TTLL5: variants seen among roughly 807,000 people sequenced by gnomAD.
The protein encoded by TTLL5 is tubulin tyrosine ligase like 5, also known as tubulin polyglutamylase TTLL5.
TTLL5 carries 132 observed loss-of-function variants against 168.4 expected under a neutral mutation model. That is an observed-to-expected ratio of 0.78 (90% CI 0.68 to 0.91). The LOEUF is 0.91. Ranked by LOEUF, TTLL5 falls within the 40% of genes least tolerant of loss-of-function variation. TTLL5 has a pLI of 0.00. For missense variants in TTLL5, 1,545 were observed against 1,581.5 expected (o/e 0.98, Z 0.39); for synonymous variants, 546 against 558.6 (o/e 0.98, Z 0.32).
At position 75,820,290 on chromosome 14, in the gene TTLL5, G is replaced by A. The variant is rs191355084; in HGVS notation, c.3326+129G>A. The A allele has an allele frequency of 5.3e-4, 514 of 968,076 alleles. 3 individuals carry two copies. The highest frequency in any genetic ancestry group is 6.8e-4 in the Non-Finnish European group (490 of 721,998). The allele number at this position is 968,076 out of a possible 1,614,324, so 60.0% of individuals were successfully genotyped here. ...CATATGCCCTTTCTCCACCTGCCTC[G>A]ATCCTCTGGCACCTGACTAAGAGAG... On this transcript the variant is annotated intron_variant, in intron 28 of 31. Transcript: ENST00000298832.
intron 30 of TTLL5, among the ~76,000 whole-genome samples, chr14:75,898,330 T>C (rs2032764816): frequency 6.6e-6 from 1 of 152,178 alleles, no homozygotes; most frequent in Non-Finnish European, 1.5e-5. Flanking sequence ...CACTGCACTC[T>C]TATTCTCACG....
chr14:75,866,126 A>G (rs2030497613), intron 29 of TTLL5, among the ~76,000 whole-genome samples: 2 of 152,238 alleles, frequency 1.3e-5, no homozygotes, highest in Non-Finnish European at 2.9e-5. Flanking sequence ...TTCTAACAGG[A>G]AGAATATGTA....
intron 30 of TTLL5, 117 bp from the exon 31 acceptor site, chr14:75,902,025 T>A: frequency 1.2e-6 from 1 of 807,360 alleles, no homozygotes; most frequent in Non-Finnish European, 2.1e-6. Context: ...TTGAAGGAAG[T>A]GAGTGAATGA....
chr14:75,743,571 C>T (rs1163363507), intron 15 of TTLL5, among the ~76,000 whole-genome samples: 3 of 124,614 alleles, frequency 2.4e-5, no homozygotes, highest in East Asian at 2.4e-4. Flanking sequence ...TCTCTGGCAT[C>T]GCTCTTTTTT....
intron 31 of TTLL5, among the ~76,000 whole-genome samples, chr14:75,912,761 A>G (rs1045759053): frequency 6.6e-6 from 1 of 152,246 alleles, no homozygotes; most frequent in Non-Finnish European, 1.5e-5. Context: ...AGTAGTAGTC[A>G]ACTGCTAATG....
In TTLL5 at chr14:75,783,458, C is replaced by T. The variant is rs969714028; in HGVS notation, c.2914C>T (p.Pro972Ser). The T allele has an allele frequency of 6.2e-7, 1 of 1,614,190 alleles. No individual in the cohort carries two copies. The highest frequency in any genetic ancestry group is 8.5e-7 in the Non-Finnish European group (1 of 1,180,034). Residue 972 changes from proline (P) to serine (S), a missense_variant, in exon 26 of 32, where the codon CCC becomes TCC. Transcript: ENST00000298832. ...TCGATCAGGAAGTCACACCATTGGTCCCTTTTCTTCCTTCCAAAGTGCTGC... is the reference window on the plus strand; with the variant it reads ...TCGATCAGGAAGTCACACCATTGGTTCCTTTTCTTCCTTCCAAAGTGCTGC... ...RCRSGSHTIGPFSSFQSAAHI... is the reference protein window; with the variant it reads ...RCRSGSHTIGSFSSFQSAAHI...
At chr14:75,706,774 A>T (rs983849077) in intron 7 of TTLL5, among the ~76,000 whole-genome samples, 2 of 150,736 alleles carry the variant, frequency 1.3e-5, no homozygotes, top group African/African-American at 4.9e-5. Flanking sequence ...TTATTTATTT[A>T]TTATTTATTA....
At chr14:75,924,347 G>C (rs940860474) in intron 31 of TTLL5, among the ~76,000 whole-genome samples, 1 of 151,426 alleles carries the variant, frequency 6.6e-6, no homozygotes, top group African/African-American at 2.4e-5. Context: ...AGTTGGCAGG[G>C]TCATAGGACA....
chr14:75,713,117 A>G (rs1051792770), intron 9 of TTLL5, among the ~76,000 whole-genome samples: 2 of 152,262 alleles, frequency 1.3e-5, no homozygotes, highest in Non-Finnish European at 2.9e-5. Context: ...ATTTTGGTCT[A>G]CATTAGGATA....
At chr14:75,886,457 G>A (rs1312675241) in intron 30 of TTLL5, among the ~76,000 whole-genome samples, 2 of 152,134 alleles carry the variant, frequency 1.3e-5, no homozygotes, top group Non-Finnish European at 2.9e-5. Context: ...TCCATTGAAA[G>A]CTTTTTTATG....
At chr14:75,876,377 G>A (rs4309333) in intron 29 of TTLL5, among the ~76,000 whole-genome samples, 132,171 of 152,272 alleles carry the variant, frequency 0.87, 57,449 homozygotes, top group East Asian at 0.92. Context: ...CAATTGGTTA[G>A]TGAACAATAG....
chr14:75,746,863 C>T (rs1406807264), intron 17 of TTLL5, among the ~76,000 whole-genome samples: 5 of 152,156 alleles, frequency 3.3e-5, no homozygotes, highest in African/African-American at 9.7e-5. Flanking sequence ...CGTGCTTGGT[C>T]ACAGCTGATT....
At chr14:75,718,110 G>A (rs1185010588) in intron 10 of TTLL5, 148 bp downstream of exon 10, 1 of 683,558 alleles carries the variant, frequency 1.5e-6, no homozygotes, top group African/African-American at 1.8e-5. Context: ...ATATAACAGT[G>A]TTGAGGCATA....
At chr14:75,699,039 G>T in intron 6 of TTLL5, 149 bp from the exon 7 acceptor site, 1 of 660,124 alleles carries the variant, frequency 1.5e-6, no homozygotes, top group Non-Finnish European at 2.6e-6. Context: ...AAAAATACAG[G>T]TAATTTTAGT....
chr14:75,884,842 T>C (rs550147328), intron 30 of TTLL5, among the ~76,000 whole-genome samples: 39 of 151,292 alleles, frequency 2.6e-4, no homozygotes, highest in African/African-American at 9.2e-4. Context: ...AGTGAAAAGT[T>C]CCCCCTATGA....
At chr14:75,827,168 C>A (rs2140429099) in intron 28 of TTLL5, among the ~76,000 whole-genome samples, 1 of 152,142 alleles carries the variant, frequency 6.6e-6, no homozygotes, top group East Asian at 1.9e-4. Context: ...GTAGCTAAGT[C>A]TTAGTTCCCT....
At chr14:75,719,687 A>G in intron 10 of TTLL5, 48 bp from the exon 11 acceptor site, 7 of 1,497,640 alleles carry the variant, frequency 4.7e-6, no homozygotes, top group Non-Finnish European at 6.3e-6. Flanking sequence ...TTGTTATTAT[A>G]GCCAAGCCTA....
chr14:75,851,410 A>G (rs1185584788), intron 28 of TTLL5, among the ~76,000 whole-genome samples: 1 of 152,182 alleles, frequency 6.6e-6, no homozygotes, highest in East Asian at 1.9e-4. Context: ...TTTCATTTTG[A>G]AAAGGTGAAA....
At chr14:75,715,972 T>C (rs1399102272) in intron 9 of TTLL5, among the ~76,000 whole-genome samples, 1 of 152,164 alleles carries the variant, frequency 6.6e-6, no homozygotes, top group Non-Finnish European at 1.5e-5. Flanking sequence ...AGCCTCTTTT[T>C]CTGAAGCAGA....
Sources: allele counts gnomAD v4.1 joint callset (sites outside exome capture counted in the v4.1 genomes callset), GRCh38; gene constraint gnomAD v4.1.1; transcripts MANE v1.5; gene names NCBI Gene and HGNC (gene_info 2026-07-23, HGNC 2026-07-21).